Variants in LRIG1 observed in about 807,000 individuals in gnomAD.
LRIG1 encodes leucine-rich repeats and immunoglobulin-like domains protein 1.
LRIG1 carries 48 observed loss-of-function variants against 99.2 expected under a neutral mutation model. That is an observed-to-expected ratio of 0.48 (90% CI 0.38 to 0.62). The LOEUF is 0.62. Among genes scored for constraint, LRIG1 ranks in the 20% least tolerant of loss-of-function variants. The probability of loss-of-function intolerance (pLI) is 0.00; values close to 1 mark genes in which losing one functional copy is unlikely to be tolerated. For synonymous variants in LRIG1, 772 were observed against 596.1 expected, an observed-to-expected ratio of 1.29 and a Z score of -4.30; for missense variants, 1,646 against 1,434.4, an observed-to-expected ratio of 1.15 and a Z score of -2.38.
At chr3:66,411,017 C>T (rs1191813985) in intron 6 of LRIG1, among the ~76,000 whole-genome samples, 1 of 152,208 alleles carries the variant, frequency 6.6e-6, no homozygotes, top group Non-Finnish European at 1.5e-5. Flanking sequence ...AATAAACCTG[C>T]ACATCTACTA....
At chr3:66,414,792 T>C (rs1702572327) in intron 5 of LRIG1, 128 bp downstream of exon 5, 1 of 947,884 alleles carries the variant, frequency 1.1e-6, no homozygotes. Context: ...CTGCCATTAA[T>C]GGTAATTTAT....
rs559782538 is a variant in LRIG1, at chr3:66,448,176, C to G, written c.365+3383G>C. Among the ~76,000 whole-genome samples, 4 of 152,278 alleles carry G rather than the reference C, an allele frequency of 2.6e-5. No homozygotes were observed. In the East Asian group the frequency reaches 7.7e-4, roughly 29 times the overall value. ...AGTATTAACCAACTGAAATTTTGCTCTATGACTCCAGTTCCCAAAACTATG... is the reference window on the plus strand; with the variant it reads ...AGTATTAACCAACTGAAATTTTGCTGTATGACTCCAGTTCCCAAAACTATG... On this transcript the variant is annotated intron_variant, in intron 3 of 18. Transcript: ENST00000273261.
intron 13 of LRIG1, 81 bp downstream of exon 13, chr3:66,385,900 C>G (rs1211907971): frequency 1.6e-6 from 2 of 1,272,756 alleles, no homozygotes; most frequent in East Asian, 2.3e-5. Context: ...TCTCAGTCAT[C>G]TCTACATGGA....
At chr3:66,414,835 T>A (rs4856928) in intron 5 of LRIG1, 85 bp downstream of exon 5, 1 of 1,290,848 alleles carries the variant, frequency 7.7e-7, no homozygotes, top group Non-Finnish European at 1.0e-6. Context: ...AAGGAAAGGG[T>A]GGCGTTTGGT....
In LRIG1 at chr3:66,383,129, G is replaced by T; in HGVS notation, c.2344C>A (p.Pro782Thr). The change falls in exon 15 of 19, where the codon CCC becomes ACC. Residue 782 changes from proline (P) to threonine (T), a missense_variant. By Grantham distance (38) the Pro-to-Thr change is conservative (BLOSUM62 -1). Coordinates refer to ENST00000273261, the MANE Select transcript of LRIG1 (RefSeq NM_015541.3). ...ERAHSQLSVL[P>T]AAGCRKDGTT... is the part of the protein sequence containing the mutation. ...CCATCCTTCCTGCAGCCTGCTGCGG[G>T]CAGGACGCTCAGCTGGCTGTGAGCT... 4 of 1,614,250 alleles carry T rather than the reference G, an allele frequency of 2.5e-6. No individual in the cohort carries two copies. The highest frequency in any genetic ancestry group is 3.4e-6 in the Non-Finnish European group (4 of 1,180,054).
chr3:66,404,957 G>T (rs1702207736), intron 9 of LRIG1, among the ~76,000 whole-genome samples: 1 of 152,118 alleles, frequency 6.6e-6, no homozygotes, highest in Admixed American at 6.5e-5. Flanking sequence ...TCCACCAGCC[G>T]CCAAACGCCG....
intron 3 of LRIG1, among the ~76,000 whole-genome samples, chr3:66,427,219 C>G (rs4856935): frequency 0.76 from 115,033 of 152,152 alleles, 44,036 homozygotes; most frequent in East Asian, 0.91. Context: ...CACACACTCA[C>G]TGTCACCACC....
chr3:66,468,570 C>T (rs1417010228), intron 1 of LRIG1, among the ~76,000 whole-genome samples: 2 of 152,148 alleles, frequency 1.3e-5, no homozygotes, highest in Non-Finnish European at 2.9e-5. Flanking sequence ...ATTAATACAG[C>T]TGGAAAGTAA....
At chr3:66,499,650 G>A (rs550145473) in intron 1 of LRIG1, among the ~76,000 whole-genome samples, 4 of 152,082 alleles carry the variant, frequency 2.6e-5, no homozygotes, top group Non-Finnish European at 5.9e-5. Context: ...ATCAGGAGAC[G>A]GCTACACACA....
At chr3:66,395,507 T>C (rs1342614977) in intron 11 of LRIG1, among the ~76,000 whole-genome samples, 8 of 151,956 alleles carry the variant, frequency 5.3e-5, no homozygotes, top group Admixed American at 5.2e-4. Flanking sequence ...ATTAAAATAA[T>C]TATAATTTTG....
chr3:66,399,968 C>A (rs1485043993), intron 9 of LRIG1, among the ~76,000 whole-genome samples: 2 of 152,168 alleles, frequency 1.3e-5, no homozygotes, highest in Admixed American at 6.5e-5. Flanking sequence ...CGAGAGGGAC[C>A]CCTCAGGGCC....
chr3:66,467,141 C>T (rs775313024), intron 1 of LRIG1, among the ~76,000 whole-genome samples: 3 of 152,112 alleles, frequency 2.0e-5, no homozygotes, highest in Non-Finnish European at 4.4e-5. Flanking sequence ...TACCAGTGCA[C>T]AACAACAGTT....
At chr3:66,416,008 T>C (rs1702605197) in intron 4 of LRIG1, among the ~76,000 whole-genome samples, 1 of 152,192 alleles carries the variant, frequency 6.6e-6, no homozygotes, top group African/African-American at 2.4e-5. Context: ...ACATAAGGAT[T>C]CTTTGCAAAT....
intron 1 of LRIG1, among the ~76,000 whole-genome samples, chr3:66,464,944 A>C (rs1224463239): frequency 1.3e-5 from 2 of 152,222 alleles, no homozygotes; most frequent in Admixed American, 1.3e-4. Context: ...TAGCAGTATC[A>C]GGACTTAACA....
intron 1 of LRIG1, among the ~76,000 whole-genome samples, chr3:66,463,157 G>A (rs1283636233): frequency 6.6e-6 from 1 of 152,102 alleles, no homozygotes; most frequent in East Asian, 1.9e-4. Flanking sequence ...TCAATCCTAG[G>A]ATTCAGAGGT....
At chr3:66,382,949 C>G in intron 15 of LRIG1, 33 bp downstream of exon 15, 3 of 1,564,336 alleles carry the variant, frequency 1.9e-6, no homozygotes, top group Non-Finnish European at 2.6e-6. Context: ...ATTCCTCCCT[C>G]CTTGAAAGTC....
At position 66,380,751 on chromosome 3, in the gene LRIG1, C is replaced by T. The variant is rs758535914; in HGVS notation, c.2881G>A (p.Ala961Thr). Residue 961 changes from alanine to threonine, a missense_variant, in exon 18 of 19, where the codon GCG becomes ACG. Transcript: ENST00000273261. The part of the protein sequence containing the change: ...PVSRDSAQPS[A>T]PNGPEPGGSD... ...CCACCCGGCTCCGGGCCATTTGGCG[C>T]ACTTGGCTGTGCGCTGTCTCTGGAC... 9 of 1,614,206 alleles carry T rather than the reference C, an allele frequency of 5.6e-6. No individual in the cohort carries two copies. Among genetic ancestry groups the T allele is most frequent in the Non-Finnish European group, 6.8e-6 (8 of 1,180,042 alleles).
At chr3:66,486,128 G>T (rs1272176806) in intron 1 of LRIG1, among the ~76,000 whole-genome samples, 1 of 152,144 alleles carries the variant, frequency 6.6e-6, no homozygotes, top group Non-Finnish European at 1.5e-5. Flanking sequence ...AGTTAACACA[G>T]ATATATCCTG....
chr3:66,440,019 A>AG (rs11375140), intron 3 of LRIG1, among the ~76,000 whole-genome samples: 15,140 of 151,392 alleles, frequency 0.1, 2,221 homozygotes, highest in African/African-American at 0.33. Context: ...AGAAAGAAAG[A>AG]GGGGGAAAAA....
Sources: allele counts gnomAD v4.1 joint callset (sites outside exome capture counted in the v4.1 genomes callset), GRCh38; gene constraint gnomAD v4.1.1; transcripts MANE v1.5; gene names NCBI Gene and HGNC (gene_info 2026-07-23, HGNC 2026-07-21).